The following MEGF6 variants were observed in gnomAD, a reference collection of about 807,000 sequenced individuals.
The protein encoded by MEGF6 is multiple EGF like domains 6.
A neutral mutation model predicts 207.1 loss-of-function variants in MEGF6; 184 were observed. The observed-to-expected ratio is 0.89, with a 90% CI of 0.79 to 1.00. MEGF6 has a LOEUF of 1.00. Ranked by LOEUF, MEGF6 falls within the 50% of genes least tolerant of loss-of-function variation. MEGF6 has a pLI of 0.00. For missense variants in MEGF6, 2,282 were observed against 2,202.9 expected (o/e 1.04, Z -0.72); for synonymous variants, 1,038 against 910.0 (o/e 1.14, Z -2.53).
chr1:3,574,759 C>A (rs911167912), intron 4 of MEGF6, among the ~76,000 whole-genome samples: 2 of 152,238 alleles, frequency 1.3e-5, no homozygotes, highest in African/African-American at 4.8e-5. Context: ...CCTCCTGCCT[C>A]AGCCTCCTGG....
intron 1 of MEGF6, among the ~76,000 whole-genome samples, chr1:3,603,812 CGCCCCGTCCAGCCACCCTG>C (rs146443812): frequency 0.022 from 3,320 of 152,276 alleles, 138 homozygotes; most frequent in East Asian, 0.099. Flanking sequence ...AGAGACTGCC[CGCCCCGTCCAGCCACCCTG>C]GCCCCAGGCC....
intron 13 of MEGF6, 32 bp downstream of exon 13, chr1:3,508,526 C>T (rs889858627): frequency 1.2e-6 from 2 of 1,601,402 alleles, no homozygotes; most frequent in South Asian, 1.1e-5. Context: ...GAGGCCCCTT[C>T]CCAGCCCCCA....
At chr1:3,508,502 G>A (rs983727897) in intron 13 of MEGF6, 56 bp downstream of exon 13, 5 of 1,583,258 alleles carry the variant, frequency 3.2e-6, no homozygotes, top group South Asian at 2.3e-5. Context: ...GCTGTCCCCA[G>A]GTCTTGGGGC....
At chr1:3,524,099 G>C (rs757271056) in intron 5 of MEGF6, 25 bp downstream of exon 5, 6 of 1,607,368 alleles carry the variant, frequency 3.7e-6, no homozygotes, top group Non-Finnish European at 5.1e-6. Context: ...CAGGAGCCCA[G>C]GCAGGGTCTC....
chr1:3,583,053 T>G (rs952730351), intron 3 of MEGF6, among the ~76,000 whole-genome samples: 6 of 152,088 alleles, frequency 3.9e-5, no homozygotes, highest in Admixed American at 2.0e-4. Context: ...GCCAGCCAGG[T>G]GTGAGAGACC....
intron 31 of MEGF6, 28 bp downstream of exon 31, chr1:3,494,585 T>C: frequency 6.4e-7 from 1 of 1,560,048 alleles, no homozygotes; most frequent in South Asian, 1.2e-5. Context: ...GAGGGGATGC[T>C]GGGGTCCCGC....
rs368752188 is a variant in MEGF6, at chr1:3,492,718, G to T, written c.4437C>A (p.Cys1479Ter). The change falls in exon 35 of 37, where the codon TGC (cysteine) becomes TGA (stop). Residue 1479 changes from cysteine (C) to a stop codon, truncating the protein, a stop_gained. Transcript: ENST00000356575. LOFTEE classifies it high-confidence loss of function. ...FGPSCTLHCDCGGGADCDPVS... is the reference protein window; with the variant it reads ...FGPSCTLHCD Reference sequence around the variant, plus strand: ...CAGGGTCGCAGTCAGCCCCACCCCCGCAGTCACAGTGCAGGGTGCAGCTGG... The same window carrying T: ...CAGGGTCGCAGTCAGCCCCACCCCCTCAGTCACAGTGCAGGGTGCAGCTGG... 2 of 1,612,590 alleles carry T rather than the reference G, an allele frequency of 1.2e-6. No homozygotes were observed. Among genetic ancestry groups the T allele is most frequent in the South Asian group, 1.1e-5 (1 of 91,086 alleles).
At chr1:3,559,903 C>T (rs937397250) in intron 4 of MEGF6, among the ~76,000 whole-genome samples, 1 of 151,178 alleles carries the variant, frequency 6.6e-6, no homozygotes, top group Admixed American at 6.6e-5. Flanking sequence ...CCCAGCTACT[C>T]GGGGGGCTGA....
intron 17 of MEGF6, among the ~76,000 whole-genome samples, chr1:3,502,675 G>A (rs1196121814): frequency 6.6e-6 from 1 of 152,112 alleles, no homozygotes; most frequent in African/African-American, 2.4e-5. Flanking sequence ...AGAACGTGGG[G>A]GCTGAGGATT....
At chr1:3,547,789 C>T (rs965541945) in intron 4 of MEGF6, among the ~76,000 whole-genome samples, 2 of 152,206 alleles carry the variant, frequency 1.3e-5, no homozygotes, top group Non-Finnish European at 2.9e-5. Context: ...GCAGTTCTCC[C>T]GGGGTGCGCC....
At chr1:3,575,468 C>G (rs1335505034) in intron 4 of MEGF6, among the ~76,000 whole-genome samples, 1 of 152,186 alleles carries the variant, frequency 6.6e-6, no homozygotes, top group East Asian at 1.9e-4. Context: ...CAGCTGGGTG[C>G]TCTTGTGTAA....
chr1:3,598,695 G>T, intron 2 of MEGF6, among the ~76,000 whole-genome samples: 1 of 150,106 alleles, frequency 6.7e-6, no homozygotes, highest in Non-Finnish European at 1.5e-5. Flanking sequence ...CACGCAGGGC[G>T]GGGGTCGTCA....
chr1:3,582,091 C>T (rs1643810816), intron 3 of MEGF6, among the ~76,000 whole-genome samples: 2 of 152,238 alleles, frequency 1.3e-5, no homozygotes, highest in African/African-American at 2.4e-5. Flanking sequence ...GAGGGGCACA[C>T]GGACCCTACC....
intron 4 of MEGF6, among the ~76,000 whole-genome samples, chr1:3,547,474 G>A (rs939675549): frequency 1.2e-4 from 18 of 152,290 alleles, no homozygotes; most frequent in African/African-American, 3.8e-4. Flanking sequence ...ATCGGCTGCC[G>A]TGTGTGTTCC....
At chr1:3,595,254 C>T in intron 3 of MEGF6, 84 bp downstream of exon 3, 2 of 942,338 alleles carry the variant, frequency 2.1e-6, no homozygotes, top group Non-Finnish European at 3.3e-6. Flanking sequence ...GCGATCCCCA[C>T]CAGGCCCGGG....
intron 1 of MEGF6, among the ~76,000 whole-genome samples, chr1:3,608,747 A>T (rs1387717986): frequency 6.6e-6 from 1 of 152,162 alleles, no homozygotes; most frequent in Non-Finnish European, 1.5e-5. Flanking sequence ...CAGGTGGGCA[A>T]TCGGCCCCCG....
Position 3,509,091 on chromosome 1 carries a change from CGT to C in MEGF6, c.1510_1511del (p.Thr504AlafsTer10), listed in dbSNP as rs1557732646. The stretch of plus-strand genomic sequence containing the variant: ...CGCGCTCACCAAACTTCTCTGTGAG[CGT>C]GTGTTCGCCCCGCAACTCTGCCTCT... Reference protein sequence around the residue: ...EEEAELRGEHTLTEKFVCLDD... With the variant: ...EEEAELRGEHXLTEKFVCLDD... On this transcript the variant is annotated frameshift_variant, in exon 12 of 37. Coordinates refer to ENST00000356575, the MANE Select transcript of MEGF6 (RefSeq NM_001409.4). LOFTEE classifies it high-confidence loss of function. 6.3e-7 allele frequency: 1 copy of C among 1,596,330 alleles called. No individual in the cohort carries two copies. The highest frequency in any genetic ancestry group is 2.3e-5 in the East Asian group (1 of 43,778).
intron 21 of MEGF6, 39 bp downstream of exon 21, chr1:3,500,594 C>T (rs1297526455): frequency 1.3e-6 from 2 of 1,531,754 alleles, no homozygotes; most frequent in Non-Finnish European, 1.8e-6. Flanking sequence ...CGTGTGCGCA[C>T]TCAGGAGGGT....
chr1:3,606,790 G>A (rs574729929), intron 1 of MEGF6, among the ~76,000 whole-genome samples: 3 of 152,060 alleles, frequency 2.0e-5, no homozygotes, highest in Non-Finnish European at 4.4e-5. Context: ...AACGGAAGCC[G>A]GGGGGAATAG....
Sources: allele counts gnomAD v4.1 joint callset (sites outside exome capture counted in the v4.1 genomes callset), GRCh38; gene constraint gnomAD v4.1.1; transcripts MANE v1.5; gene names NCBI Gene and HGNC (gene_info 2026-07-23, HGNC 2026-07-21).